B4GALNT2: variants seen among roughly 807,000 people sequenced by gnomAD.
B4GALNT2 encodes the protein N-acetylneuraminylgalactosylglucosyl-glucoside beta-1,4-N- acetylgalactosaminyltransferase 2.
In B4GALNT2, 42 loss-of-function variants were observed where a neutral mutation model predicts 51.1. That is an observed-to-expected ratio of 0.82 (90% CI 0.64 to 1.06). B4GALNT2 has a LOEUF of 1.06. Ranked by LOEUF, B4GALNT2 falls within the 50% of genes least tolerant of loss-of-function variation. The pLI is 0.00. For synonymous variants in B4GALNT2, 253 were observed against 251.7 expected, an observed-to-expected ratio of 1.01 and a Z score of -0.05; for missense variants, 602 against 633.6, an observed-to-expected ratio of 0.95 and a Z score of 0.54.
chr17:49,172,250 G>T lies in B4GALNT2; in HGVS notation c.*2522G>T. ...CATGGCTGCAACCAGGGGATCCTCG[G>T]GATCCTCCTGGAATCTCTTCCTCAG... On this transcript the variant is annotated 3_prime_UTR_variant, in exon 11 of 11. Coordinates refer to ENST00000393354, the MANE Select transcript of B4GALNT2 (RefSeq NM_001159387.2). 5.3e-6 allele frequency: 1 copy of T among 186,920 alleles called. No individual in the cohort carries two copies. Among genetic ancestry groups the T allele is most frequent in the Non-Finnish European group, 1.1e-5 (1 of 90,156 alleles). The allele number at this position is 186,920 out of a possible 1,614,324, so 11.6% of individuals were successfully genotyped here.
At chr17:49,145,332 A>G (rs1255602226) in intron 3 of B4GALNT2, among the ~76,000 whole-genome samples, 2 of 152,246 alleles carry the variant, frequency 1.3e-5, no homozygotes, top group South Asian at 2.1e-4. Context: ...ACTATTACAT[A>G]AAGTTAACAA....
intron 4 of B4GALNT2, among the ~76,000 whole-genome samples, chr17:49,153,638 C>G (rs967031973): frequency 1.3e-5 from 2 of 151,014 alleles, no homozygotes; most frequent in African/African-American, 4.9e-5. Flanking sequence ...TCCCAAGTAG[C>G]TGAGATGACA....
chr17:49,169,876 A>G lies in B4GALNT2; in HGVS notation c.*148A>G, dbSNP rs1309073889. On this transcript the variant is annotated 3_prime_UTR_variant, in exon 11 of 11. Coordinates refer to ENST00000393354, the MANE Select transcript of B4GALNT2 (RefSeq NM_001159387.2). ...AAATGGCTCAGTTACTGGAAGTACC[A>G]ATCAAAGGTGAAGGGTCACTGGAAA... 9.9e-5 allele frequency: 73 copies of G among 735,120 alleles called. No homozygotes were observed. Among genetic ancestry groups the G allele is most frequent in the Non-Finnish European group, 1.3e-4 (64 of 475,672 alleles). The allele number at this position is 735,120 out of a possible 1,614,324, so 45.5% of individuals were successfully genotyped here.
At chr17:49,143,355 A>G (rs920876562) in intron 3 of B4GALNT2, among the ~76,000 whole-genome samples, 1 of 152,218 alleles carries the variant, frequency 6.6e-6, no homozygotes, top group Non-Finnish European at 1.5e-5. Flanking sequence ...GGCTTGTATC[A>G]AAAGGGAACT....
At chr17:49,152,674 A>G in intron 3 of B4GALNT2, 126 bp from the exon 4 acceptor site, 1 of 645,316 alleles carries the variant, frequency 1.5e-6, no homozygotes, top group Non-Finnish European at 2.6e-6. Context: ...GGAGGGAGAC[A>G]GGGACAACCC....
At chr17:49,127,054 T>G in the B4GALNT2 span, among the ~76,000 whole-genome samples, 1 of 152,340 alleles carries the variant, frequency 6.6e-6, no homozygotes, top group Non-Finnish European at 1.5e-5. Flanking sequence ...TTTTTATGAC[T>G]TACACAGACA....
chr17:49,156,365 G>A (rs537991354), intron 4 of B4GALNT2, among the ~76,000 whole-genome samples: 20 of 152,184 alleles, frequency 1.3e-4, no homozygotes, highest in Non-Finnish European at 2.1e-4. Flanking sequence ...TTTTAGAACC[G>A]TTGGGGTTTG....
At chr17:49,125,282 C>T in the B4GALNT2 span, among the ~76,000 whole-genome samples, 3 of 152,150 alleles carry the variant, frequency 2.0e-5, no homozygotes, top group Admixed American at 1.3e-4. Context: ...GCCTCAGCCT[C>T]CCGAGTAGCT....
intron 1 of B4GALNT2, chr17:49,133,096 C>T: frequency 6.6e-7 from 1 of 1,520,012 alleles, no homozygotes; most frequent in South Asian, 1.3e-5. Flanking sequence ...GAATGTGTCT[C>T]GGGGACGCCC....
At chr17:49,163,676 A>G (rs1598215134) in intron 7 of B4GALNT2, among the ~76,000 whole-genome samples, 1 of 150,742 alleles carries the variant, frequency 6.6e-6, no homozygotes, top group East Asian at 2.0e-4. Context: ...GAATCACTTG[A>G]ACCTGGGAGG....
At chr17:49,124,676 A>AG in the B4GALNT2 span, among the ~76,000 whole-genome samples, 1 of 151,742 alleles carries the variant, frequency 6.6e-6, no homozygotes, top group Non-Finnish European at 1.5e-5. Context: ...CCATTATATT[A>AG]GTGCTATTAA....
chr17:49,141,497 G>A, intron 2 of B4GALNT2, 50 bp downstream of exon 2: 1 of 1,570,988 alleles, frequency 6.4e-7, no homozygotes, highest in Non-Finnish European at 8.7e-7. Context: ...CATCTTCCTT[G>A]CTCCTCCTCA....
At chr17:49,125,596 C>A in the B4GALNT2 span, among the ~76,000 whole-genome samples, 1 of 151,792 alleles carries the variant, frequency 6.6e-6, no homozygotes, top group Admixed American at 6.6e-5. Flanking sequence ...CATCTCTGCC[C>A]GGCTGCCCGT....
At chr17:49,146,000 C>A (rs754604979) in intron 3 of B4GALNT2, among the ~76,000 whole-genome samples, 5 of 152,120 alleles carry the variant, frequency 3.3e-5, no homozygotes, top group African/African-American at 4.8e-5. Flanking sequence ...GTTGCGGGAA[C>A]AGGAAGCAAA....
chr17:49,159,176 C>A lies in B4GALNT2; in HGVS notation c.638C>A (p.Thr213Lys), dbSNP rs749420906. 1 of 1,614,216 alleles carries A rather than the reference C, an allele frequency of 6.2e-7. No individual in the cohort carries two copies. The highest frequency in any genetic ancestry group is 1.1e-5 in the South Asian group (1 of 91,088). The part of the protein sequence containing the change: ...KLLKFILQHV[T>K]YTSTGYQHQK... ...TTGAAGTTCATTCTTCAGCACGTGA[C>A]ATACACCAGCACGGGGTACCAGCAC... The change falls in exon 6 of 11, where the codon ACA (threonine) becomes AAA (lysine). Residue 213 changes from threonine to lysine, a missense_variant. Physicochemically the swap from Thr to Lys is moderately conservative, Grantham distance 78. Coordinates refer to ENST00000393354, the MANE Select transcript of B4GALNT2 (RefSeq NM_001159387.2).
At chr17:49,132,969 A>T in intron 1 of B4GALNT2, 163 bp downstream of exon 1, 1 of 1,419,624 alleles carries the variant, frequency 7.0e-7, no homozygotes, top group Non-Finnish European at 9.2e-7. Flanking sequence ...TTCCCCGCAT[A>T]GGTGGCTGCA....
At chr17:49,123,787 G>C in the B4GALNT2 span, among the ~76,000 whole-genome samples, 1 of 152,146 alleles carries the variant, frequency 6.6e-6, no homozygotes, top group African/African-American at 2.4e-5. Flanking sequence ...CCACAGATCA[G>C]AAACCCTGTA....
intron 1 of B4GALNT2, among the ~76,000 whole-genome samples, chr17:49,140,051 A>T (rs1859508940): frequency 6.7e-6 from 1 of 149,158 alleles, no homozygotes; most frequent in Non-Finnish European, 1.5e-5. Flanking sequence ...TTATAAATAT[A>T]ATATAATATA....
intron 9 of B4GALNT2, among the ~76,000 whole-genome samples, chr17:49,167,545 T>G (rs1053582415): frequency 8.6e-5 from 13 of 151,952 alleles, no homozygotes; most frequent in Non-Finnish European, 1.6e-4. Context: ...GGGCTTTTAG[T>G]GTACCCATTA....
Sources: allele counts gnomAD v4.1 joint callset (sites outside exome capture counted in the v4.1 genomes callset), GRCh38; gene constraint gnomAD v4.1.1; transcripts MANE v1.5; gene names NCBI Gene and HGNC (gene_info 2026-07-23, HGNC 2026-07-21).